NOS1: variants seen among roughly 807,000 people sequenced by gnomAD.
The protein encoded by NOS1 is nitric oxide synthase 1.
Under a neutral mutation model 164.5 loss-of-function variants are expected in NOS1, and 51 were observed. That is an observed-to-expected ratio of 0.31 (90% CI 0.25 to 0.39). The LOEUF (loss-of-function observed/expected upper bound fraction) is 0.39, where lower values mean the gene tolerates loss of function less well. Ranked by LOEUF, NOS1 falls within the 10% of genes least tolerant of loss-of-function variation. NOS1 has a pLI of 1.00. For synonymous variants in NOS1, 719 were observed against 745.8 expected (o/e 0.96, Z 0.59); for missense variants, 1,362 against 1,885.6 (o/e 0.72, Z 5.14).
chr12:117,215,711 G>A (rs1042243449), intron 28 of NOS1, among the ~76,000 whole-genome samples: 15 of 152,230 alleles, frequency 9.9e-5, no homozygotes, highest in South Asian at 4.1e-4. Context: ...GGGATTGCAG[G>A]CGTGAGCCAC....
At chr12:117,278,664 T>C (rs1420636722) in intron 8 of NOS1, among the ~76,000 whole-genome samples, 1 of 152,020 alleles carries the variant, frequency 6.6e-6, no homozygotes, top group Non-Finnish European at 1.5e-5. Context: ...ATTAAAACTT[T>C]CTAGTAGCCA....
At chr12:117,221,357 C>T (rs1267324818) in intron 26 of NOS1, among the ~76,000 whole-genome samples, 1 of 151,484 alleles carries the variant, frequency 6.6e-6, no homozygotes, top group Non-Finnish European at 1.5e-5. Flanking sequence ...CCATGTTGGT[C>T]AGGCTGGTCT....
At chr12:117,329,745 T>A (rs1183597448) in intron 2 of NOS1, among the ~76,000 whole-genome samples, 1 of 152,108 alleles carries the variant, frequency 6.6e-6, no homozygotes, top group Non-Finnish European at 1.5e-5. Flanking sequence ...TCCCACATAA[T>A]CCCAGCAAGA....
intron 9 of NOS1, among the ~76,000 whole-genome samples, chr12:117,274,308 A>C (rs1607818): frequency 0.012 from 1,885 of 152,304 alleles, 45 homozygotes; most frequent in African/African-American, 0.044. Flanking sequence ...AGAGACAAAA[A>C]ATAACAAATG....
intron 20 of NOS1, among the ~76,000 whole-genome samples, chr12:117,237,818 G>A (rs145560986): frequency 3.2e-4 from 49 of 152,274 alleles, no homozygotes; most frequent in Middle Eastern, 3.4e-3. Flanking sequence ...GGTGAGAGAG[G>A]GGAAGGACAG....
chr12:117,297,760 T>G (rs1334820501), intron 3 of NOS1, among the ~76,000 whole-genome samples: 1 of 150,582 alleles, frequency 6.6e-6, no homozygotes, highest in African/African-American at 2.5e-5. Flanking sequence ...CAGAGGGAGA[T>G]TTTTTAGGCA....
chr12:117,317,021 C>T (rs1874698742), intron 2 of NOS1, among the ~76,000 whole-genome samples: 1 of 152,146 alleles, frequency 6.6e-6, no homozygotes, highest in Non-Finnish European at 1.5e-5. Flanking sequence ...GCTGAGGTTA[C>T]AGACGTGCAC....
chr12:117,342,867 G>A (rs1196539339), intron 1 of NOS1, among the ~76,000 whole-genome samples: 1 of 151,954 alleles, frequency 6.6e-6, no homozygotes, highest in African/African-American at 2.4e-5. Flanking sequence ...GAGGAAGGAA[G>A]GAAGTGGGTC....
At chr12:117,240,978 C>T (rs1171955319) in intron 20 of NOS1, among the ~76,000 whole-genome samples, 2 of 145,900 alleles carry the variant, frequency 1.4e-5, no homozygotes, top group East Asian at 2.1e-4. Context: ...CTCATTCCGT[C>T]GCCCAGGCTG....
Position 117,253,713 on chromosome 12 carries a change from T to C in NOS1, c.2573A>G (p.Asp858Gly). The C allele has an allele frequency of 6.2e-7, 1 of 1,613,716 alleles. No homozygotes were observed. Among genetic ancestry groups the C allele is most frequent in the Non-Finnish European group, 8.5e-7 (1 of 1,179,950 alleles). Residue 858 changes from aspartate (D) to glycine (G), a missense_variant, in exon 17 of 29, where the codon GAC (aspartate) becomes GGC (glycine). Around this residue, in one of 4 missense-constraint regions of NOS1, gnomAD observed 737 missense variants for 1,030.3 expected, o/e 0.72. Transcript: ENST00000317775. ...CCCATCGCCTGATGATTTTTGGGAGTCAGAGTAGGAGGAGACGCTGTTGAA... is the reference window on the plus strand; with the variant it reads ...CCCATCGCCTGATGATTTTTGGGAGCCAGAGTAGGAGGAGACGCTGTTGAA... ...VRFNSVSSYS[D>G]SQKSSGDGPD...
intron 11 of NOS1, among the ~76,000 whole-genome samples, chr12:117,265,813 C>T (rs9658395): frequency 8.8e-4 from 133 of 151,598 alleles, no homozygotes; most frequent in Middle Eastern, 3.4e-3. Context: ...TTTTTTGAGA[C>T]GGAGTCTTGC....
chr12:117,217,699 C>G (rs970290583), intron 28 of NOS1, among the ~76,000 whole-genome samples: 16 of 145,828 alleles, frequency 1.1e-4, no homozygotes, highest in African/African-American at 3.8e-4. Flanking sequence ...AGCAAGACTC[C>G]GTCAAAAAAA....
chr12:117,215,851 G>C (rs1956600075), intron 28 of NOS1, among the ~76,000 whole-genome samples: 1 of 147,596 alleles, frequency 6.8e-6, no homozygotes, highest in Non-Finnish European at 1.5e-5. Flanking sequence ...TGGCCAGGAA[G>C]AGAAACATTT....
intron 1 of NOS1, among the ~76,000 whole-genome samples, chr12:117,355,406 G>C (rs1876810996): frequency 6.6e-6 from 1 of 152,206 alleles, no homozygotes; most frequent in African/African-American, 2.4e-5. Context: ...GGCAGAAGAT[G>C]TTAAAGCTGA....
At chr12:117,355,474 C>T (rs760260536) in intron 1 of NOS1, among the ~76,000 whole-genome samples, 16 of 151,832 alleles carry the variant, frequency 1.1e-4, no homozygotes, top group South Asian at 2.1e-4. Flanking sequence ...TCGAAGGGCC[C>T]GGACAAGCAA....
chr12:117,328,727 G>T (rs1196465633), intron 2 of NOS1, among the ~76,000 whole-genome samples: 1 of 152,218 alleles, frequency 6.6e-6, no homozygotes, highest in Admixed American at 6.5e-5. Flanking sequence ...ATCACGCCCA[G>T]CTAATCCCTT....
Position 117,263,930 on chromosome 12 carries a change from G to A in NOS1, c.2181C>T (p.Thr727=). The A allele has an allele frequency of 6.2e-7, 1 of 1,613,936 alleles. No homozygotes were observed. Among genetic ancestry groups the A allele is most frequent in the Non-Finnish European group, 8.5e-7 (1 of 1,179,934 alleles). ...NTHVWKGTNG[T]PTKRRAIGFK... is the part of the protein sequence containing the mutation. The stretch of plus-strand genomic sequence containing the variant: ...AGCCAATGGCTCGCCGCTTTGTGGG[G>A]GTCCCGTTGGTGCCTTTCCAGACAT... Residue 727 remains threonine, a synonymous_variant, in exon 13 of 29, where the codon ACC becomes ACT. Transcript: ENST00000317775.
Position 117,209,563 on chromosome 12 carries a change from G to C in NOS1, c.*5746C>G. The C allele has an allele frequency of 1.0e-6, 1 of 985,510 alleles. No homozygotes were observed. The highest frequency in any genetic ancestry group is 4.7e-5 in the South Asian group (1 of 21,292). 61.0% of individuals were successfully genotyped at this position (985,510 alleles called of 1,614,324 possible). ...TAATAACGGACTGTGTTTTGGGCCA[G>C]ACGGGCATAGCCCCGCTTGACCAGA... On this transcript the variant is annotated 3_prime_UTR_variant, in exon 29 of 29. Transcript: ENST00000317775.
At chr12:117,342,067 G>T (rs1032734771) in intron 1 of NOS1, among the ~76,000 whole-genome samples, 1 of 152,146 alleles carries the variant, frequency 6.6e-6, no homozygotes, top group Non-Finnish European at 1.5e-5. Flanking sequence ...ATTAAAATAA[G>T]ATGGCACATA....
Sources: allele counts gnomAD v4.1 joint callset (sites outside exome capture counted in the v4.1 genomes callset), GRCh38; gene constraint gnomAD v4.1.1; regional missense constraint gnomAD v4.1.1; transcripts MANE v1.5; gene names NCBI Gene and HGNC (gene_info 2026-07-23, HGNC 2026-07-21).